VWA8: variants seen among roughly 807,000 people sequenced by gnomAD.
VWA8 encodes von Willebrand factor A domain containing 8, also known as von Willebrand factor A domain-containing protein 8.
In VWA8, 221 loss-of-function variants were observed where a neutral mutation model predicts 241.5. That is an observed-to-expected ratio of 0.91 (90% CI 0.82 to 1.02). VWA8 has a LOEUF of 1.02. Ranked by LOEUF, VWA8 falls within the 50% of genes least tolerant of loss-of-function variation. The pLI is 0.00. For synonymous variants in VWA8, 852 were observed against 827.1 expected (o/e 1.03, Z -0.52); for missense variants, 2,322 against 2,328.7 (o/e 1.00, Z 0.06).
chr13:41,881,844 C>T (rs1879211966), intron 9 of VWA8, among the ~76,000 whole-genome samples: 2 of 139,594 alleles, frequency 1.4e-5, no homozygotes, highest in African/African-American at 5.4e-5. Flanking sequence ...GGGCGGCTGG[C>T]CGGGCGGGGG....
chr13:41,908,433 T>C (rs371926549), intron 3 of VWA8, among the ~76,000 whole-genome samples: 413 of 151,982 alleles, frequency 2.7e-3, no homozygotes, highest in African/African-American at 8.4e-3. Flanking sequence ...GATCACACCA[T>C]TGCACTCCAG....
At chr13:41,768,903 C>CTT (rs34257749) in intron 20 of VWA8, among the ~76,000 whole-genome samples, 43 of 128,232 alleles carry the variant, frequency 3.4e-4, no homozygotes, top group Non-Finnish European at 4.1e-4. Context: ...AAAACAATGC[C>CTT]TTTTTTTTTT....
chr13:41,692,950 T>A lies in VWA8; in HGVS notation c.3587A>T (p.Asp1196Val). 2 of 1,609,706 alleles carry A rather than the reference T, an allele frequency of 1.2e-6. No individual in the cohort carries two copies. The highest frequency in any genetic ancestry group is 1.7e-6 in the Non-Finnish European group (2 of 1,177,370). ...ACGATGAAGGGCCCGGCCAGTAGTA[T>A]CTAACAACAGGATAACATTACTCTG... ...EQQSNVILLLDTTGRALHRLI... is the reference protein window; with the variant it reads ...EQQSNVILLLVTTGRALHRLI... The change falls in exon 30 of 45, where the codon GAT (aspartate) becomes GTT (valine). Residue 1196 changes from aspartate (D) to valine (V), a missense_variant. Asp to Val is a radical substitution (Grantham distance 152, BLOSUM62 -3). Transcript: ENST00000379310.
chr13:41,868,612 C>T (rs948263272), intron 9 of VWA8, 135 bp from the exon 10 acceptor site: 5 of 1,141,572 alleles, frequency 4.4e-6, no homozygotes, highest in Non-Finnish European at 5.9e-6. Flanking sequence ...AGGCCAAGGG[C>T]GGTGGCTCAG....
At chr13:41,706,070 T>C (rs1338134470) in intron 26 of VWA8, among the ~76,000 whole-genome samples, 1 of 152,202 alleles carries the variant, frequency 6.6e-6, no homozygotes, top group African/African-American at 2.4e-5. Context: ...ATTGATCTAA[T>C]ATATTCTTTC....
intron 37 of VWA8, among the ~76,000 whole-genome samples, chr13:41,622,913 A>T (rs2044666297): frequency 6.6e-6 from 1 of 152,244 alleles, no homozygotes; most frequent in Non-Finnish European, 1.5e-5. Context: ...GGCAAAGCAG[A>T]CATTTCTCAT....
At chr13:41,741,303 C>T (rs1244021004) in intron 21 of VWA8, among the ~76,000 whole-genome samples, 3 of 152,210 alleles carry the variant, frequency 2.0e-5, no homozygotes, top group African/African-American at 7.2e-5. Flanking sequence ...TGAGGCCATA[C>T]TGAGCTATTA....
At chr13:41,664,486 G>C (rs1014198281) in intron 37 of VWA8, among the ~76,000 whole-genome samples, 2 of 148,278 alleles carry the variant, frequency 1.3e-5, no homozygotes, top group African/African-American at 5.0e-5. Context: ...CTTAAATATA[G>C]ATGCTACTAC....
At chr13:41,572,315 T>C (rs925638580) in intron 43 of VWA8, among the ~76,000 whole-genome samples, 3 of 152,190 alleles carry the variant, frequency 2.0e-5, no homozygotes, top group Non-Finnish European at 2.9e-5. Flanking sequence ...CAACAGCTCA[T>C]TGAGAATGGG....
At chr13:41,911,520 T>C (rs1020668889) in intron 3 of VWA8, among the ~76,000 whole-genome samples, 4 of 152,234 alleles carry the variant, frequency 2.6e-5, no homozygotes, top group African/African-American at 9.6e-5. Flanking sequence ...TGGATAAAGC[T>C]TGAGTGAGTT....
chr13:41,744,778 G>C (rs2137882927), intron 21 of VWA8, among the ~76,000 whole-genome samples: 1 of 152,158 alleles, frequency 6.6e-6, no homozygotes, highest in East Asian at 1.9e-4. Flanking sequence ...AACATGTTAA[G>C]ATAATATATG....
At chr13:41,720,059 G>A (rs1020906135) in intron 25 of VWA8, among the ~76,000 whole-genome samples, 2 of 152,054 alleles carry the variant, frequency 1.3e-5, no homozygotes, top group Non-Finnish European at 2.9e-5. Flanking sequence ...TTTAATATGA[G>A]TACCAGATCG....
At chr13:41,774,171 G>A (rs962144368) in intron 20 of VWA8, among the ~76,000 whole-genome samples, 6 of 151,732 alleles carry the variant, frequency 4.0e-5, no homozygotes, top group South Asian at 4.2e-4. Context: ...ATGGAGTCTC[G>A]CTCTATCTCC....
At chr13:41,727,170 T>C (rs2045442325) in intron 24 of VWA8, 24 bp downstream of exon 24, 2 of 1,509,574 alleles carry the variant, frequency 1.3e-6, no homozygotes, top group African/African-American at 1.4e-5. Flanking sequence ...CTATTGGTAT[T>C]GTTATTATCA....
At chr13:41,949,031 T>TAAAAAAAAAAAAAAAAAAAAAAAAAAAA (rs35506856) in intron 2 of VWA8, among the ~76,000 whole-genome samples, 1 of 63,392 alleles carries the variant, frequency 1.6e-5, no homozygotes, top group Non-Finnish European at 2.9e-5. Context: ...TCTACCATCA[T>TAAAAAAAAAAAAAAAAAAAAAAAAAAAA]AAAAAAAAAA....
In VWA8 at chr13:41,806,891, G is replaced by A. The variant is rs573198800; in HGVS notation, c.2063+4334C>T. Among the ~76,000 whole-genome samples the A allele has an allele frequency of 2.8e-4, 41 of 148,152 alleles. No homozygotes were observed. The East Asian group carries it at 7.8e-3, about 28-fold the overall frequency. On this transcript the variant is annotated intron_variant, in intron 17 of 44. Transcript: ENST00000379310. ...GACTCCATCTCAAAAAAAAAAAAAAGGAAAAGATTAATGAAATGAAAAGTT... is the reference window on the plus strand; with the variant it reads ...GACTCCATCTCAAAAAAAAAAAAAAAGAAAAGATTAATGAAATGAAAAGTT...
At chr13:41,948,616 T>C (rs1307294151) in intron 2 of VWA8, among the ~76,000 whole-genome samples, 3 of 152,342 alleles carry the variant, frequency 2.0e-5, no homozygotes, top group African/African-American at 7.2e-5. Context: ...GACAAGGATG[T>C]AGAACATCAC....
intron 18 of VWA8, among the ~76,000 whole-genome samples, chr13:41,786,453 C>T (rs997789131): frequency 6.6e-6 from 1 of 152,170 alleles, no homozygotes. Context: ...AGTCTCTTCA[C>T]TTAGGCTCCT....
chr13:41,945,329 G>A (rs1457103562), intron 2 of VWA8, among the ~76,000 whole-genome samples: 1 of 147,444 alleles, frequency 6.8e-6, no homozygotes, highest in African/African-American at 2.5e-5. Context: ...CTGGGAAGGA[G>A]AGATTATACT....
Sources: gnomAD v4.1 joint callset for allele counts (sites outside exome capture counted in the v4.1 genomes callset) on GRCh38, gnomAD v4.1.1 for gene constraint, MANE v1.5 for transcripts, NCBI Gene and HGNC (gene_info 2026-07-23, HGNC 2026-07-21) for gene names.